The following GPC6 variants were observed in gnomAD, a reference collection of about 807,000 sequenced individuals.
The protein encoded by GPC6 is glypican 6, also known as glypican-6.
A neutral mutation model predicts 55.2 loss-of-function variants in GPC6; 14 were observed. The observed-to-expected ratio is 0.25, with a 90% CI of 0.17 to 0.40. The LOEUF (loss-of-function observed/expected upper bound fraction) is 0.40. GPC6 is among the 10% of genes least tolerant of loss of function. The probability of loss-of-function intolerance (pLI) is 1.00; values close to 1 mark genes in which losing one functional copy is unlikely to be tolerated. For synonymous variants in GPC6, 278 were observed against 259.6 expected, an observed-to-expected ratio of 1.07 and a Z score of -0.68; for missense variants, 641 against 708.5, an observed-to-expected ratio of 0.90 and a Z score of 1.08.
At chr13:93,969,628 A>G (rs1240826746) in intron 3 of GPC6, among the ~76,000 whole-genome samples, 1 of 152,092 alleles carries the variant, frequency 6.6e-6, no homozygotes, top group Non-Finnish European at 1.5e-5. Flanking sequence ...TTGAGGTAAG[A>G]TATACATATA....
chr13:93,520,148 A>G (rs2139398142), intron 1 of GPC6, among the ~76,000 whole-genome samples: 1 of 152,020 alleles, frequency 6.6e-6, no homozygotes, highest in Non-Finnish European at 1.5e-5. Flanking sequence ...AAAAGCTTTG[A>G]TTTGCAGCTG....
At chr13:94,200,930 G>T (rs1889726466) in intron 4 of GPC6, among the ~76,000 whole-genome samples, 2 of 152,204 alleles carry the variant, frequency 1.3e-5, no homozygotes, top group South Asian at 4.1e-4. Flanking sequence ...AAAGCCTGGG[G>T]TCCCAGTAAT....
chr13:93,745,073 C>G (rs1162940082), intron 2 of GPC6, among the ~76,000 whole-genome samples: 1 of 152,138 alleles, frequency 6.6e-6, no homozygotes, highest in African/African-American at 2.4e-5. Context: ...GTCAGTTCCC[C>G]AGGCTCACAG....
chr13:94,376,976 C>T (rs1473084582), intron 6 of GPC6, among the ~76,000 whole-genome samples: 13 of 151,650 alleles, frequency 8.6e-5, no homozygotes, highest in African/African-American at 2.4e-4. Context: ...ATAAATGGTG[C>T]TGGGAAAACT....
chr13:93,739,631 T>A (rs7330359), intron 2 of GPC6, among the ~76,000 whole-genome samples: 139,630 of 152,012 alleles, frequency 0.92, 64,267 homozygotes, highest in Admixed American at 0.96. Context: ...GAGTTTCACC[T>A]TGTTAGCCAG....
intron 1 of GPC6, among the ~76,000 whole-genome samples, chr13:93,252,645 A>G (rs956415780): frequency 7.2e-5 from 11 of 152,132 alleles, no homozygotes; most frequent in African/African-American, 2.7e-4. Flanking sequence ...TTCTTGTATC[A>G]TTTAAAATGA....
chr13:93,475,159 TACACACAC>T (rs35324469), intron 1 of GPC6, among the ~76,000 whole-genome samples: 1 of 149,630 alleles, frequency 6.7e-6, no homozygotes, highest in Non-Finnish European at 1.5e-5. Context: ...AATAAATAAA[TACACACAC>T]ACACACACAC....
At chr13:93,325,640 T>A (rs528048503) in intron 1 of GPC6, among the ~76,000 whole-genome samples, 102 of 152,204 alleles carry the variant, frequency 6.7e-4, no homozygotes, top group African/African-American at 2.4e-3. Flanking sequence ...ACTGGGGCAA[T>A]GAGTACACTG....
At chr13:93,488,200 A>G (rs1879805018) in intron 1 of GPC6, among the ~76,000 whole-genome samples, 1 of 151,912 alleles carries the variant, frequency 6.6e-6, no homozygotes, top group Non-Finnish European at 1.5e-5. Context: ...AATCCCAACT[A>G]TTAGTGAGAA....
chr13:93,627,393 T>C (rs2139566289), intron 2 of GPC6, among the ~76,000 whole-genome samples: 1 of 152,292 alleles, frequency 6.6e-6, no homozygotes, highest in South Asian at 2.1e-4. Flanking sequence ...CTAACCTCAC[T>C]ATCATGAGGA....
chr13:93,470,376 A>G (rs1879065623), intron 1 of GPC6, among the ~76,000 whole-genome samples: 2 of 152,142 alleles, frequency 1.3e-5, no homozygotes, highest in Non-Finnish European at 2.9e-5. Context: ...AGTTGGTAAA[A>G]TCATAAGGGA....
intron 1 of GPC6, among the ~76,000 whole-genome samples, chr13:93,461,973 T>A (rs183916957): frequency 6.6e-6 from 1 of 152,276 alleles, no homozygotes; most frequent in East Asian, 1.9e-4. Flanking sequence ...TATCACATAA[T>A]ACATCAAGCA....
chr13:94,147,162 T>A (rs1312666632), intron 4 of GPC6, among the ~76,000 whole-genome samples: 1 of 152,168 alleles, frequency 6.6e-6, no homozygotes, highest in Non-Finnish European at 1.5e-5. Context: ...TAAAGATCAT[T>A]TGCAGGTCAA....
At chr13:93,712,202 A>G (rs1481578932) in intron 2 of GPC6, among the ~76,000 whole-genome samples, 1 of 151,806 alleles carries the variant, frequency 6.6e-6, no homozygotes, top group Non-Finnish European at 1.5e-5. Context: ...CTTATGATTT[A>G]TATAATTTGC....
At chr13:93,385,409 G>T (rs1279928404) in intron 1 of GPC6, among the ~76,000 whole-genome samples, 2 of 152,220 alleles carry the variant, frequency 1.3e-5, no homozygotes, top group Non-Finnish European at 2.9e-5. Flanking sequence ...TAAGCAGAGG[G>T]TGACTTAATC....
At chr13:93,315,179 A>G (rs2139114655) in intron 1 of GPC6, among the ~76,000 whole-genome samples, 1 of 152,224 alleles carries the variant, frequency 6.6e-6, no homozygotes, top group South Asian at 2.1e-4. Context: ...AAAACATTAC[A>G]TCCTTTTAAA....
chr13:93,377,205 G>A (rs1286681027), intron 1 of GPC6, among the ~76,000 whole-genome samples: 1 of 152,156 alleles, frequency 6.6e-6, no homozygotes, highest in East Asian at 1.9e-4. Flanking sequence ...GTAAAGATGG[G>A]CCAGAGAAAC....
chr13:93,365,748 T>G (rs1023385418), intron 1 of GPC6, among the ~76,000 whole-genome samples: 32 of 152,208 alleles, frequency 2.1e-4, no homozygotes, highest in African/African-American at 7.5e-4. Context: ...TGACTGTGTA[T>G]GGTACTGCCA....
At chr13:93,250,303 C>T (rs1275577371) in intron 1 of GPC6, among the ~76,000 whole-genome samples, 2 of 152,210 alleles carry the variant, frequency 1.3e-5, no homozygotes, top group African/African-American at 4.8e-5. Context: ...AAAGGAGTGA[C>T]TCTTTCTCAC....
Sources: allele counts gnomAD v4.1 joint callset (sites outside exome capture counted in the v4.1 genomes callset), GRCh38; gene constraint gnomAD v4.1.1; transcripts MANE v1.5; gene names NCBI Gene and HGNC (gene_info 2026-07-23, HGNC 2026-07-21).